The following HACD2 variants were observed in gnomAD, a reference collection of about 807,000 sequenced individuals.
HACD2 encodes the protein very-long-chain (3R)-3-hydroxyacyl-CoA dehydratase 2.
Under a neutral mutation model 31.0 loss-of-function variants are expected in HACD2, and 15 were observed. That is an observed-to-expected ratio of 0.48 (90% CI 0.32 to 0.75). The LOEUF is 0.75. Ranked by LOEUF, HACD2 falls within the 30% of genes least tolerant of loss-of-function variation. HACD2 has a pLI of 0.03. For missense variants in HACD2, 283 were observed against 313.0 expected, an observed-to-expected ratio of 0.90 and a Z score of 0.72; for synonymous variants, 115 against 122.2, an observed-to-expected ratio of 0.94 and a Z score of 0.39.
intron 2 of HACD2, among the ~76,000 whole-genome samples, chr3:123,572,619 T>A (rs2626018): frequency 0.43 from 65,514 of 152,178 alleles, 19,357 homozygotes; most frequent in African/African-American, 0.82. Flanking sequence ...CAATGTAAAA[T>A]TGCCATTTGC....
chr3:123,497,550 T>C (rs2055848772), intron 6 of HACD2, among the ~76,000 whole-genome samples: 1 of 152,208 alleles, frequency 6.6e-6, no homozygotes. Flanking sequence ...ACTGACAACC[T>C]GGAAAGCGCC....
intron 3 of HACD2, among the ~76,000 whole-genome samples, chr3:123,553,275 G>A (rs2056639056): frequency 1.3e-5 from 2 of 152,196 alleles, no homozygotes; most frequent in African/African-American, 4.8e-5. Flanking sequence ...AAGATAATTA[G>A]GTTGGCATCA....
At chr3:123,572,014 G>A (rs77008871) in intron 2 of HACD2, among the ~76,000 whole-genome samples, 3 of 152,074 alleles carry the variant, frequency 2.0e-5, no homozygotes, top group African/African-American at 7.2e-5. Context: ...TCTACATATC[G>A]TAGGACATCT....
At chr3:123,522,479 G>A (rs764373031) in intron 4 of HACD2, among the ~76,000 whole-genome samples, 8 of 152,040 alleles carry the variant, frequency 5.3e-5, no homozygotes, top group Non-Finnish European at 1.2e-4. Context: ...AACACTGAGA[G>A]AAAAATAGAC....
At chr3:123,520,509 T>C (rs765474626) in intron 4 of HACD2, among the ~76,000 whole-genome samples, 2 of 152,214 alleles carry the variant, frequency 1.3e-5, no homozygotes, top group Non-Finnish European at 2.9e-5. Context: ...CACATATGGC[T>C]AAGAGCTACT....
intron 2 of HACD2, 83 bp from the exon 3 acceptor site, chr3:123,567,863 G>A (rs750200560): frequency 8.9e-6 from 8 of 894,254 alleles, no homozygotes; most frequent in Non-Finnish European, 1.2e-5. Flanking sequence ...TAATGTTTCA[G>A]TAAGAATAGA....
intron 4 of HACD2, among the ~76,000 whole-genome samples, chr3:123,517,320 T>C (rs1042190621): frequency 3.3e-5 from 5 of 152,254 alleles, no homozygotes; most frequent in African/African-American, 1.2e-4. Context: ...GCTGCTAGTC[T>C]TTCCCAATAT....
intron 2 of HACD2, among the ~76,000 whole-genome samples, chr3:123,574,807 T>C (rs1012304368): frequency 6.6e-6 from 1 of 152,226 alleles, no homozygotes; most frequent in African/African-American, 2.4e-5. Flanking sequence ...ATATATACTC[T>C]TCCATACCTT....
chr3:123,584,984 C>T lies in HACD2; in HGVS notation c.44G>A (p.Gly15Asp), dbSNP rs764400986. 19 of 1,524,712 alleles carry T rather than the reference C, an allele frequency of 1.2e-5. No individual in the cohort carries two copies. In the South Asian group the frequency reaches 2.0e-4, roughly 16 times the overall value. The allele number at this position is 1,524,712 out of a possible 1,614,324, so 94.4% of individuals were successfully genotyped here. ...CCCGGCCCCGGCCCTGCCACCGCCG[C>T]CCCCATTCCCCTTCGCTGCTGCAGT... ...AATAAAKGNG[G>D]GGGRAGAGDA... Residue 15 changes from glycine to aspartate, a missense_variant, in exon 1 of 7, where the codon GGC becomes GAC. Physicochemically the swap from Gly to Asp is moderately conservative, Grantham distance 94. Coordinates refer to ENST00000383657, the MANE Select transcript of HACD2 (RefSeq NM_198402.5).
intron 6 of HACD2, chr3:123,499,767 T>G (rs2055880635): frequency 2.7e-6 from 1 of 372,276 alleles, no homozygotes; most frequent in Non-Finnish European, 5.4e-6. Flanking sequence ...AAGAAGATCT[T>G]TTGGTATATA....
intron 3 of HACD2, among the ~76,000 whole-genome samples, chr3:123,560,111 A>G (rs1223324230): frequency 1.3e-5 from 2 of 152,216 alleles, no homozygotes; most frequent in Non-Finnish European, 2.9e-5. Flanking sequence ...TTCAGAGAAC[A>G]GGGGCTGAAG....
chr3:123,575,898 G>A (rs981932826), intron 2 of HACD2, among the ~76,000 whole-genome samples: 1 of 152,130 alleles, frequency 6.6e-6, no homozygotes, highest in Non-Finnish European at 1.5e-5. Flanking sequence ...ATAGTGAGGT[G>A]GCCTTTCAGT....
chr3:123,567,082 G>A (rs1474329819), intron 3 of HACD2, among the ~76,000 whole-genome samples: 1 of 152,050 alleles, frequency 6.6e-6, no homozygotes, highest in African/African-American at 2.4e-5. Flanking sequence ...CCTCCCTTTG[G>A]GAGACATACC....
chr3:123,536,556 CG>C (rs2056428741), intron 3 of HACD2, among the ~76,000 whole-genome samples: 1 of 152,098 alleles, frequency 6.6e-6, no homozygotes, highest in Non-Finnish European at 1.5e-5. Context: ...TCCCCAACGA[CG>C]GGGATGCAAC....
chr3:123,541,930 G>A (rs1262157943), intron 3 of HACD2, among the ~76,000 whole-genome samples: 1 of 151,682 alleles, frequency 6.6e-6, no homozygotes, highest in Non-Finnish European at 1.5e-5. Context: ...GGCGGATCAC[G>A]AGGTCAGGAG....
chr3:123,527,853 C>T (rs933679403), intron 4 of HACD2, among the ~76,000 whole-genome samples: 9 of 152,178 alleles, frequency 5.9e-5, no homozygotes, highest in Admixed American at 5.2e-4. Flanking sequence ...TAAACAGAAA[C>T]GTGTTTCGGT....
chr3:123,534,798 T>TTGTGTGTGTGTGTGTGTGTGTGTGTG (rs71142740), intron 3 of HACD2, among the ~76,000 whole-genome samples: 28 of 149,198 alleles, frequency 1.9e-4, no homozygotes, highest in Admixed American at 5.4e-4. Context: ...AGACGTAGGC[T>TTGTGTGTGTGTGTGTGTGTGTGTGTG]TGTGTGTGTG....
intron 3 of HACD2, among the ~76,000 whole-genome samples, chr3:123,553,452 C>T (rs991963181): frequency 6.6e-6 from 1 of 152,222 alleles, no homozygotes; most frequent in African/African-American, 2.4e-5. Context: ...GAATACTATG[C>T]CCACAGCCCT....
chr3:123,584,153 T>A (rs890055189), intron 1 of HACD2, among the ~76,000 whole-genome samples: 2 of 152,124 alleles, frequency 1.3e-5, no homozygotes, highest in Non-Finnish European at 2.9e-5. Flanking sequence ...AGATGATTTA[T>A]CCAAAGTCAC....
Sources: allele counts gnomAD v4.1 joint callset (sites outside exome capture counted in the v4.1 genomes callset), GRCh38; gene constraint gnomAD v4.1.1; transcripts MANE v1.5; gene names NCBI Gene and HGNC (gene_info 2026-07-23, HGNC 2026-07-21).